RAPGEF6: variants seen among roughly 807,000 people sequenced by gnomAD.
The protein encoded by RAPGEF6 is Rap guanine nucleotide exchange factor 6.
In RAPGEF6, 56 loss-of-function variants were observed where a neutral mutation model predicts 171.4. The ratio of observed to expected loss-of-function variants is 0.33; its 90% CI spans 0.26 to 0.41. The LOEUF is 0.41. RAPGEF6 is among the 10% of genes least tolerant of loss of function. The pLI is 1.00. For synonymous variants in RAPGEF6, 692 were observed against 650.1 expected, an observed-to-expected ratio of 1.06 and a Z score of -0.98; for missense variants, 1,674 against 1,921.4, an observed-to-expected ratio of 0.87 and a Z score of 2.41.
At chr5:131,427,382 C>T (rs1329229204) in intron 27 of RAPGEF6, 91 bp from the exon 28 acceptor site, 5 of 1,102,046 alleles carry the variant, frequency 4.5e-6, no homozygotes, top group Non-Finnish European at 6.5e-6. Flanking sequence ...TCAATGTCAA[C>T]AAAGAAATCC....
At chr5:131,625,479 T>C (rs567760197) in intron 1 of RAPGEF6, among the ~76,000 whole-genome samples, 1 of 152,006 alleles carries the variant, frequency 6.6e-6, no homozygotes, top group African/African-American at 2.4e-5. Flanking sequence ...TCCAGGACCT[T>C]ATCTCACACC....
chr5:131,496,576 T>C (rs912304300), intron 12 of RAPGEF6, among the ~76,000 whole-genome samples: 2 of 152,214 alleles, frequency 1.3e-5, no homozygotes, highest in African/African-American at 4.8e-5. Context: ...TATTTGTCTG[T>C]TCTGGCTATT....
At chr5:131,582,239 G>A (rs1332548043) in intron 4 of RAPGEF6, among the ~76,000 whole-genome samples, 1 of 152,098 alleles carries the variant, frequency 6.6e-6, no homozygotes, top group Admixed American at 6.5e-5. Context: ...AATGTGGTAT[G>A]GTATCAAGAT....
At chr5:131,455,695 T>C (rs1753443490) in intron 20 of RAPGEF6, 106 bp downstream of exon 20, 2 of 920,622 alleles carry the variant, frequency 2.2e-6, no homozygotes, top group Non-Finnish European at 1.7e-6. Context: ...AAATAGTGTA[T>C]AGTTACCAAA....
intron 4 of RAPGEF6, among the ~76,000 whole-genome samples, chr5:131,589,187 G>A (rs142108072): frequency 4.1e-4 from 62 of 152,308 alleles, no homozygotes; most frequent in African/African-American, 1.4e-3. Context: ...AACAGCTGAA[G>A]TTTTAGTTAA....
At chr5:131,619,253 C>T (rs1310975643) in intron 1 of RAPGEF6, among the ~76,000 whole-genome samples, 1 of 152,044 alleles carries the variant, frequency 6.6e-6, no homozygotes, top group Non-Finnish European at 1.5e-5. Context: ...TCTTAAGCGG[C>T]AGCTGAACAA....
rs1172634704 is a variant in RAPGEF6, at chr5:131,498,618, A to G, written c.1255-11T>C. ...ACGCTCAGGTGTTGCCTAAAAATCC[A>G]AGGATAGGAAGGATTAGAAAATAAA... On this transcript the variant is annotated splice_polypyrimidine_tract_variant and intron_variant, in intron 11 of 27. Coordinates refer to ENST00000509018, the MANE Select transcript of RAPGEF6 (RefSeq NM_016340.6). 1.2e-6 allele frequency: 2 copies of G among 1,606,888 alleles called. No individual in the cohort carries two copies. Among genetic ancestry groups the G allele is most frequent in the Non-Finnish European group, 1.7e-6 (2 of 1,176,978 alleles).
rs1183772209 is a variant in RAPGEF6, at chr5:131,509,367, C to T, written c.805+947G>A. 2.6e-5 allele frequency among the ~76,000 whole-genome samples: 4 copies of T among 152,060 alleles called. No homozygotes were observed. The East Asian group carries it at 7.7e-4, about 29-fold the overall frequency. ...GACCATCCTGGCTAACACGTTGAAACCCCATTGCTACTAAAAATACAAAAA... is the reference window on the plus strand; with the variant it reads ...GACCATCCTGGCTAACACGTTGAAATCCCATTGCTACTAAAAATACAAAAA... On this transcript the variant is annotated intron_variant, in intron 8 of 27. Coordinates refer to ENST00000509018, the MANE Select transcript of RAPGEF6 (RefSeq NM_016340.6).
chr5:131,529,153 G>GA (rs111967742), intron 6 of RAPGEF6, among the ~76,000 whole-genome samples: 5,394 of 132,382 alleles, frequency 0.041, 278 homozygotes, highest in African/African-American at 0.13. Context: ...AGAGACCACG[G>GA]AAAAAAAAAA....
chr5:131,431,931 T>C (rs2149805770), intron 25 of RAPGEF6, among the ~76,000 whole-genome samples: 1 of 152,234 alleles, frequency 6.6e-6, no homozygotes, highest in East Asian at 1.9e-4. Context: ...ACTTGAAGAA[T>C]CATGTTTTAT....
At chr5:131,566,235 A>G (rs941888782) in intron 4 of RAPGEF6, among the ~76,000 whole-genome samples, 10 of 152,068 alleles carry the variant, frequency 6.6e-5, no homozygotes, top group Admixed American at 4.6e-4. Context: ...TACATTCCCT[A>G]TATCAGAAAG....
At chr5:131,528,323 A>ATAT (rs71000996) in intron 6 of RAPGEF6, among the ~76,000 whole-genome samples, 1 of 109,380 alleles carries the variant, frequency 9.1e-6, no homozygotes, top group Non-Finnish European at 1.7e-5. Context: ...TTATATATAT[A>ATAT]TATATATATA....
At chr5:131,606,055 A>AAAAAG (rs1305152614) in intron 1 of RAPGEF6, among the ~76,000 whole-genome samples, 15 of 126,582 alleles carry the variant, frequency 1.2e-4, no homozygotes, top group East Asian at 3.9e-4. Context: ...AAAAAAAAAG[A>AAAAAG]AAAAGAAAAG....
chr5:131,492,077 T>C (rs1000344650), intron 14 of RAPGEF6, among the ~76,000 whole-genome samples: 2 of 152,034 alleles, frequency 1.3e-5, no homozygotes, highest in African/African-American at 4.8e-5. Context: ...TTCCTAAGAG[T>C]GTCTTTTTTC....
intron 22 of RAPGEF6, among the ~76,000 whole-genome samples, chr5:131,443,719 T>C (rs1431052302): frequency 1.3e-5 from 2 of 152,232 alleles, no homozygotes; most frequent in Non-Finnish European, 2.9e-5. Flanking sequence ...ATACTCTCAT[T>C]AGGCTTTATC....
chr5:131,555,197 T>C (rs537463045), intron 5 of RAPGEF6, among the ~76,000 whole-genome samples: 2 of 152,340 alleles, frequency 1.3e-5, no homozygotes, highest in East Asian at 3.9e-4. Flanking sequence ...AATAAATTTC[T>C]TGGTATCCAC....
chr5:131,485,498 G>A (rs1443261883), intron 15 of RAPGEF6, among the ~76,000 whole-genome samples: 1 of 152,168 alleles, frequency 6.6e-6, no homozygotes. Context: ...CTATTAGTAG[G>A]AGTTCCCTTT....
intron 23 of RAPGEF6, 113 bp from the exon 24 acceptor site, chr5:131,439,828 C>CTGAAATGTGTAAA: frequency 1.4e-6 from 2 of 1,457,612 alleles, no homozygotes; most frequent in Non-Finnish European, 1.8e-6. Flanking sequence ...GTGTAGTCAA[C>CTGAAATGTGTAAA]TGAAATGTGT....
chr5:131,609,761 C>T (rs187342348), intron 1 of RAPGEF6, among the ~76,000 whole-genome samples: 8 of 152,322 alleles, frequency 5.3e-5, no homozygotes, highest in East Asian at 3.9e-4. Flanking sequence ...CATCCCAGAA[C>T]GGCCAGTAGT....
Sources: allele counts gnomAD v4.1 joint callset (sites outside exome capture counted in the v4.1 genomes callset), GRCh38; gene constraint gnomAD v4.1.1; transcripts MANE v1.5; gene names NCBI Gene and HGNC (gene_info 2026-07-23, HGNC 2026-07-21).